The following PLCE1 variants were observed in gnomAD, a reference collection of about 807,000 sequenced individuals.
The protein encoded by PLCE1 is phospholipase C epsilon 1.
Under a neutral mutation model 242.8 loss-of-function variants are expected in PLCE1, and 119 were observed. That is an observed-to-expected ratio of 0.49 (90% confidence interval 0.42 to 0.57). The LOEUF is 0.57. Among genes scored for constraint, PLCE1 ranks in the 20% least tolerant of loss-of-function variants. The probability of loss-of-function intolerance (pLI) is 0.00; values close to 1 mark genes in which losing one functional copy is unlikely to be tolerated. For synonymous variants in PLCE1, 945 were observed against 1,017.4 expected, an observed-to-expected ratio of 0.93 and a Z score of 1.35; for missense variants, 2,441 against 2,788.8, an observed-to-expected ratio of 0.88 and a Z score of 2.81.
chr10:94,281,851 G>A (rs1379168795), intron 20 of PLCE1, among the ~76,000 whole-genome samples: 1 of 151,840 alleles, frequency 6.6e-6, no homozygotes, highest in Non-Finnish European at 1.5e-5. Flanking sequence ...TAAGGCTTCC[G>A]TATGTGACTA....
chr10:94,096,483 G>A (rs1187070747), intron 2 of PLCE1: 1 of 152,108 alleles, frequency 6.6e-6, no homozygotes, highest in South Asian at 2.1e-4. Context: ...CAAGAAAAAG[G>A]GGGAAAAGCC....
intron 4 of PLCE1, among the ~76,000 whole-genome samples, chr10:94,187,022 A>G (rs2136533195): frequency 6.6e-6 from 1 of 152,302 alleles, no homozygotes; most frequent in East Asian, 1.9e-4. Flanking sequence ...AAACTGAGAG[A>G]GAGGCTACAG....
intron 29 of PLCE1, among the ~76,000 whole-genome samples, chr10:94,319,859 G>GTCAAAGA (rs1321112418): frequency 1.0e-4 from 13 of 129,788 alleles, no homozygotes; most frequent in African/African-American, 3.8e-4. Context: ...AGGCTCAAAG[G>GTCAAAGA]TGCTCTTTTT....
At chr10:94,322,707 C>T (rs1412563267) in intron 30 of PLCE1, among the ~76,000 whole-genome samples, 1 of 152,042 alleles carries the variant, frequency 6.6e-6, no homozygotes, top group Non-Finnish European at 1.5e-5. Context: ...ATCGCTTGAA[C>T]CCGGGAGGCA....
In PLCE1 at chr10:94,021,231, GTT is replaced by G. The variant is rs34518277; in HGVS notation, c.-364-9435_-364-9434del. ...TGTCTTACCTTTGTCCTTCTTAATG[GTT>G]TTTTTTTTTTTTTTTTGAAGACCAG... On this transcript the variant is annotated intron_variant, in intron 1 of 32. Coordinates refer to ENST00000371380, the MANE Select transcript of PLCE1 (RefSeq NM_016341.4). 8.1e-3 allele frequency among the ~76,000 whole-genome samples: 985 copies of G among 121,218 alleles called. 4 individuals are homozygous for G. The highest frequency in any genetic ancestry group is 0.065 in the South Asian group (246 of 3,774). The allele number at this position is 121,218 out of a possible 152,430, so 79.5% of individuals were successfully genotyped here.
At chr10:94,112,824 C>A (rs1378331742) in intron 2 of PLCE1, among the ~76,000 whole-genome samples, 1 of 152,168 alleles carries the variant, frequency 6.6e-6, no homozygotes. Flanking sequence ...TCCTCACCTA[C>A]TTCTCTATCT....
intron 1 of PLCE1, among the ~76,000 whole-genome samples, chr10:93,994,460 AC>A (rs1156967023): frequency 6.6e-6 from 1 of 152,182 alleles, no homozygotes; most frequent in Non-Finnish European, 1.5e-5. Context: ...GCTAAAGGAC[AC>A]CCTGCCAGTG....
chr10:94,322,400 C>T (rs2053844996), intron 30 of PLCE1, among the ~76,000 whole-genome samples: 1 of 152,022 alleles, frequency 6.6e-6, no homozygotes, highest in Admixed American at 6.5e-5. Flanking sequence ...CCTGTAATCC[C>T]AGCAGTTTGG....
At chr10:94,062,824 G>C (rs2044096184) in intron 2 of PLCE1, among the ~76,000 whole-genome samples, 1 of 152,140 alleles carries the variant, frequency 6.6e-6, no homozygotes, top group Non-Finnish European at 1.5e-5. Flanking sequence ...AACACATCAG[G>C]TTCCGGGAAA....
intron 3 of PLCE1, among the ~76,000 whole-genome samples, chr10:94,136,673 C>T (rs2046784273): frequency 6.6e-6 from 1 of 152,188 alleles, no homozygotes; most frequent in Admixed American, 6.5e-5. Context: ...TGGATTGATA[C>T]AGAAGGCCAA....
In PLCE1 at chr10:94,030,897, G is replaced by A. The variant is rs1457718162; in HGVS notation, c.-150G>A. 2 of 748,264 alleles carry A rather than the reference G, an allele frequency of 2.7e-6. No individual in the cohort carries two copies. Among genetic ancestry groups the A allele is most frequent in the Admixed American group, 4.4e-5 (2 of 45,936 alleles). 46.4% of individuals were successfully genotyped at this position (748,264 alleles called of 1,614,324 possible). On this transcript the variant is annotated 5_prime_UTR_variant, in exon 2 of 33. The change abolishes an upstream ATG in the 5' untranslated region. Coordinates refer to ENST00000371380, the MANE Select transcript of PLCE1 (RefSeq NM_016341.4). ...TAAGAAAATTTATTTGCCTCTTAAT[G>A]CTCCTGAATGAAAGGAATTATCCCT...
At chr10:94,018,431 T>C (rs186313329) in intron 1 of PLCE1, among the ~76,000 whole-genome samples, 1 of 152,318 alleles carries the variant, frequency 6.6e-6, no homozygotes. Flanking sequence ...GGCCAACCCA[T>C]GACCTTCCAT....
Position 94,329,383 on chromosome 10 carries a change from C to G in PLCE1, c.*1440C>G, listed in dbSNP as rs969672111. 1 of 152,128 alleles carries G rather than the reference C, an allele frequency of 6.6e-6. No individual in the cohort carries two copies. The highest frequency in any genetic ancestry group is 6.5e-5 in the Admixed American group (1 of 15,276). The allele number at this position is 152,128 out of a possible 1,614,324, so 9.4% of individuals were successfully genotyped here. ...ACACTTTTCTTCAAATTACAAAACA[C>G]TAAAACTCACTCCTAAACTTCACTT... On this transcript the variant is annotated 3_prime_UTR_variant, in exon 33 of 33. Transcript: ENST00000371380.
At chr10:94,209,228 TG>T (rs2049259113) in intron 4 of PLCE1, among the ~76,000 whole-genome samples, 1 of 152,230 alleles carries the variant, frequency 6.6e-6, no homozygotes, top group African/African-American at 2.4e-5. Flanking sequence ...CCTGAGTTTA[TG>T]TGCTACAGGT....
chr10:94,150,766 T>G (rs2047250282), intron 3 of PLCE1, among the ~76,000 whole-genome samples: 1 of 152,172 alleles, frequency 6.6e-6, no homozygotes, highest in Non-Finnish European at 1.5e-5. Context: ...TACATCCCAC[T>G]TCAGAGCCCA....
At chr10:94,238,361 G>C (rs2050391479) in intron 7 of PLCE1, among the ~76,000 whole-genome samples, 1 of 152,220 alleles carries the variant, frequency 6.6e-6, no homozygotes, top group African/African-American at 2.4e-5. Flanking sequence ...TCTAACTTCT[G>C]TACAGATGAA....
chr10:94,069,540 G>A (rs1437675772), intron 2 of PLCE1, among the ~76,000 whole-genome samples: 1 of 152,188 alleles, frequency 6.6e-6, no homozygotes, highest in Admixed American at 6.5e-5. Context: ...TTGAACTTGG[G>A]AGGCAGAAGT....
chr10:94,045,442 A>G (rs1159366722), intron 2 of PLCE1, among the ~76,000 whole-genome samples: 3 of 152,152 alleles, frequency 2.0e-5, no homozygotes, highest in African/African-American at 7.2e-5. Context: ...GGCCTGGCCC[A>G]TCTTCTATAA....
At chr10:94,080,221 G>A (rs1490463953) in intron 2 of PLCE1, among the ~76,000 whole-genome samples, 1 of 152,154 alleles carries the variant, frequency 6.6e-6, no homozygotes, top group Non-Finnish European at 1.5e-5. Context: ...GATGTCTTTA[G>A]ATTCTGCATG....
Sources: gnomAD v4.1 joint callset for allele counts (sites outside exome capture counted in the v4.1 genomes callset) on GRCh38, gnomAD v4.1.1 for gene constraint, MANE v1.5 for transcripts, NCBI Gene and HGNC (gene_info 2026-07-23, HGNC 2026-07-21) for gene names.